The following ZBTB8A variants were observed in gnomAD, a reference collection of about 807,000 sequenced individuals.
ZBTB8A encodes the protein zinc finger and BTB domain-containing protein 8A.
ZBTB8A carries 19 observed loss-of-function variants against 37.8 expected under a neutral mutation model. The observed-to-expected ratio is 0.50, with a 90% confidence interval of 0.35 to 0.74. The LOEUF is 0.74. Among genes scored for constraint, ZBTB8A ranks in the 30% least tolerant of loss-of-function variants. The probability of loss-of-function intolerance (pLI) is 0.01; values close to 1 mark genes in which losing one functional copy is unlikely to be tolerated. For synonymous variants in ZBTB8A, 181 were observed against 185.2 expected (o/e 0.98, Z 0.19); for missense variants, 394 against 537.8 (o/e 0.73, Z 2.65).
intron 1 of ZBTB8A, among the ~76,000 whole-genome samples, chr1:32,543,975 CTTGT>C (rs1644080624): frequency 6.6e-6 from 1 of 152,052 alleles, no homozygotes; most frequent in African/African-American, 2.4e-5. Context: ...CACACCCAGA[CTTGT>C]TTGTTTTTTA....
chr1:32,595,085 G>T lies in ZBTB8A; in HGVS notation c.855G>T (p.Pro285=). 6.2e-7 allele frequency: 1 copy of T among 1,614,084 alleles called. No homozygotes were observed. The highest frequency in any genetic ancestry group is 8.5e-7 in the Non-Finnish European group (1 of 1,180,010). ...TGCCTCGGATGCGATTCAAGTGCCC[G>T]TACTGCACACATGTGGTGAAGCGGA... ...DDLPRMRFKC[P]YCTHVVKRKA... The change falls in exon 4 of 5, where the codon CCG becomes CCT. Residue 285 remains proline (P), a synonymous_variant. Coordinates refer to ENST00000373510, the MANE Select transcript of ZBTB8A (RefSeq NM_001040441.3).
intron 2 of ZBTB8A, among the ~76,000 whole-genome samples, chr1:32,565,350 AAAAG>A (rs1291587613): frequency 1.3e-5 from 2 of 151,876 alleles, no homozygotes; most frequent in African/African-American, 2.4e-5. Context: ...AGAAAAGAAA[AAAAG>A]AAATCCGTTT....
At chr1:32,542,224 A>G (rs1436985712) in intron 1 of ZBTB8A, among the ~76,000 whole-genome samples, 1 of 151,356 alleles carries the variant, frequency 6.6e-6, no homozygotes, top group Non-Finnish European at 1.5e-5. Context: ...GGTGGGACAC[A>G]TTAAATTTTA....
rs1644568474 is a variant in ZBTB8A, at chr1:32,600,576, A to G, written c.*157A>G. The G allele has an allele frequency of 1.6e-6, 1 of 628,902 alleles. No homozygotes were observed. Among genetic ancestry groups the G allele is most frequent in the South Asian group, 2.1e-5 (1 of 48,704 alleles). The allele number at this position is 628,902 out of a possible 1,614,324, so 39.0% of individuals were successfully genotyped here. A position where few individuals can be genotyped will look rare whatever the true frequency, so the allele number is the denominator to read the frequency against. Reference sequence around the variant, plus strand: ...GCATGCTTTCTGAACAGGCCATTGTATCCATTCTGAACTTTGTTGCCCTAA... The same window carrying G: ...GCATGCTTTCTGAACAGGCCATTGTGTCCATTCTGAACTTTGTTGCCCTAA... On this transcript the variant is annotated 3_prime_UTR_variant, in exon 5 of 5. Transcript: ENST00000373510.
rs757221680 is a variant in ZBTB8A, at chr1:32,600,374, T to C, written c.1281T>C (p.Asp427=). ...ATCTGGTCATCCAACAGGTTGATGA[T>C]AGTGAAGAAGAAGAAGAAAAAGAAA... ...SADLVIQQVD[D]SEEEEEKEIK... Residue 427 remains aspartate (D), a synonymous_variant, in exon 5 of 5, where the codon GAT becomes GAC. Coordinates refer to ENST00000373510, the MANE Select transcript of ZBTB8A (RefSeq NM_001040441.3). 13 of 1,613,646 alleles carry C rather than the reference T, an allele frequency of 8.1e-6. No homozygotes were observed. The Admixed American group carries it at 1.8e-4, about 23-fold the overall frequency.
chr1:32,578,402 G>A lies in ZBTB8A; in HGVS notation c.-1-14529G>A, dbSNP rs1227288477. 7.2e-5 allele frequency among the ~76,000 whole-genome samples: 11 copies of A among 151,856 alleles called. No homozygotes were observed. The South Asian group carries it at 1.0e-3, about 14-fold the overall frequency. The stretch of plus-strand genomic sequence containing the variant: ...TAATTTTTGTATTTTTAGTAGAGAC[G>A]TGGTTTCACTGTGTTAGCTAGTCTG... On this transcript the variant is annotated intron_variant, in intron 2 of 4. Coordinates refer to ENST00000373510, the MANE Select transcript of ZBTB8A (RefSeq NM_001040441.3).
At chr1:32,595,255 A>T in intron 4 of ZBTB8A, 32 bp downstream of exon 4, 1 of 1,600,592 alleles carries the variant, frequency 6.2e-7, no homozygotes, top group Non-Finnish European at 8.5e-7. Flanking sequence ...CGTTTTACTA[A>T]TTCTTTTTTG....
intron 1 of ZBTB8A, among the ~76,000 whole-genome samples, chr1:32,540,049 A>G (rs912697344): frequency 6.6e-6 from 1 of 151,494 alleles, no homozygotes; most frequent in Non-Finnish European, 1.5e-5. Context: ...CTCCCAGGGC[A>G]GTAGCCCGAG....
intron 2 of ZBTB8A, among the ~76,000 whole-genome samples, chr1:32,590,759 C>G (rs1644482092): frequency 6.6e-6 from 1 of 152,154 alleles, no homozygotes; most frequent in African/African-American, 2.4e-5. Flanking sequence ...AATGTTACTT[C>G]TAAAGAGGTA....
chr1:32,542,600 G>A (rs76201045), intron 1 of ZBTB8A, among the ~76,000 whole-genome samples: 3,676 of 152,080 alleles, frequency 0.024, 49 homozygotes, highest in Middle Eastern at 0.048. Flanking sequence ...TCTTCTCAAC[G>A]ACAACCTTAG....
chr1:32,569,306 A>G (rs948840580), intron 2 of ZBTB8A, among the ~76,000 whole-genome samples: 5 of 144,038 alleles, frequency 3.5e-5, no homozygotes, highest in African/African-American at 1.3e-4. Context: ...TGAGTTCTTT[A>G]TGTATTCTGG....
rs1644600473 is a variant in ZBTB8A at position 32,604,505 on chromosome 1, AC to A, written c.*4088del. The A allele has an allele frequency of 6.6e-6, 1 of 152,162 alleles. No individual in the cohort carries two copies. Among genetic ancestry groups the A allele is most frequent in the Non-Finnish European group, 1.5e-5 (1 of 68,020 alleles). The allele number at this position is 152,162 out of a possible 1,614,324, so 9.4% of individuals were successfully genotyped here. A position where few individuals can be genotyped will look rare whatever the true frequency, so the allele number is the denominator to read the frequency against. ...TACTCACGGTGCTTATAAGCAGGTA[AC>A]CATATGGTCTCTTAGTGAAGCAAAT... is the stretch of plus-strand genomic sequence containing the variant. On this transcript the variant is annotated 3_prime_UTR_variant, in exon 5 of 5. Coordinates refer to ENST00000373510, the MANE Select transcript of ZBTB8A (RefSeq NM_001040441.3).
chr1:32,589,878 T>C (rs1422079290), intron 2 of ZBTB8A, among the ~76,000 whole-genome samples: 1 of 151,648 alleles, frequency 6.6e-6, no homozygotes, highest in Non-Finnish European at 1.5e-5. Context: ...ATAGGAGATA[T>C]TTGATATCAT....
At position 32,578,157 on chromosome 1, in the gene ZBTB8A, C is replaced by T. The variant is rs149646743; in HGVS notation, c.-1-14774C>T. On this transcript the variant is annotated intron_variant, in intron 2 of 4. Coordinates refer to ENST00000373510, the MANE Select transcript of ZBTB8A (RefSeq NM_001040441.3). ...CTAGCTTACTGCAACCTCTACCTCC[C>T]GGGTTCAAGCAGTTCTTCTGCCTCA... Among the ~76,000 whole-genome samples, 558 of 151,782 alleles carry T rather than the reference C, an allele frequency of 3.7e-3. 5 individuals carry two copies. The highest frequency in any genetic ancestry group is 0.013 in the African/African-American group (539 of 41,320).
chr1:32,565,564 G>C (rs897003299), intron 2 of ZBTB8A, among the ~76,000 whole-genome samples: 21 of 150,040 alleles, frequency 1.4e-4, no homozygotes, highest in Admixed American at 1.4e-3. Flanking sequence ...TGAGGTGAGA[G>C]GACCTCTTGA....
At chr1:32,597,741 TTTTGTTTG>T (rs761330427) in intron 4 of ZBTB8A, among the ~76,000 whole-genome samples, 1 of 151,964 alleles carries the variant, frequency 6.6e-6, no homozygotes, top group African/African-American at 2.4e-5. Context: ...ATACCCATAG[TTTTGTTTG>T]TTTGTTTGTT....
At position 32,549,710 on chromosome 1, in the gene ZBTB8A, C is replaced by T. The variant is rs569770626; in HGVS notation, c.-83-3749C>T. Among the ~76,000 whole-genome samples the T allele has an allele frequency of 5.1e-4, 77 of 152,172 alleles. 1 individual carries two copies. The highest frequency in any genetic ancestry group is 1.7e-3 in the African/African-American group (70 of 41,536). On this transcript the variant is annotated intron_variant, in intron 1 of 4. Coordinates refer to ENST00000373510, the MANE Select transcript of ZBTB8A (RefSeq NM_001040441.3). ...GCACCACTGCACTTCAGCACTTCATCCTGGATGACAGAGTGAGACCCTGCC... is the reference window on the plus strand; with the variant it reads ...GCACCACTGCACTTCAGCACTTCATTCTGGATGACAGAGTGAGACCCTGCC...
At chr1:32,591,822 AGTT>A (rs1357181485) in intron 2 of ZBTB8A, among the ~76,000 whole-genome samples, 1 of 151,950 alleles carries the variant, frequency 6.6e-6, no homozygotes, top group Non-Finnish European at 1.5e-5. Flanking sequence ...ATAACGGTCT[AGTT>A]GTTTTTTTGT....
intron 1 of ZBTB8A, among the ~76,000 whole-genome samples, chr1:32,548,391 G>A (rs1362913912): frequency 2.6e-5 from 4 of 151,946 alleles, no homozygotes; most frequent in African/African-American, 9.7e-5. Context: ...CTGGAGTGGA[G>A]TGGTGCAATC....
Sources: gnomAD v4.1 joint callset for allele counts (sites outside exome capture counted in the v4.1 genomes callset) on GRCh38, gnomAD v4.1.1 for gene constraint, MANE v1.5 for transcripts, NCBI Gene and HGNC (gene_info 2026-07-23, HGNC 2026-07-21) for gene names.